Variants in SLC25A20 observed in about 807,000 individuals in gnomAD.
SLC25A20 encodes solute carrier family 25 member 20, also known as mitochondrial carnitine/acylcarnitine carrier protein.
In SLC25A20, 29 loss-of-function variants were observed where a neutral mutation model predicts 39.7. That is an observed-to-expected ratio of 0.73 (90% CI 0.54 to 1.00). The LOEUF is 1.00. Among genes scored for constraint, SLC25A20 ranks in the 50% least tolerant of loss-of-function variants. The pLI, the probability that SLC25A20 is intolerant of heterozygous loss-of-function variation, is 0.00. For missense variants in SLC25A20, 333 were observed against 379.9 expected, an observed-to-expected ratio of 0.88 and a Z score of 1.03; for synonymous variants, 103 against 142.2, an observed-to-expected ratio of 0.72 and a Z score of 1.96.
At chr3:48,889,876 G>T (rs2083860492) in intron 2 of SLC25A20, among the ~76,000 whole-genome samples, 1 of 152,130 alleles carries the variant, frequency 6.6e-6, no homozygotes, top group Non-Finnish European at 1.5e-5. Context: ...GGCAGGTATA[G>T]GGTCCGGTGC....
chr3:48,898,141 G>T (rs1224245830), intron 1 of SLC25A20, among the ~76,000 whole-genome samples: 1 of 152,194 alleles, frequency 6.6e-6, no homozygotes, highest in Admixed American at 6.6e-5. Context: ...TTCTCACAGG[G>T]ATGCCTCTGC....
intron 4 of SLC25A20, among the ~76,000 whole-genome samples, chr3:48,868,219 A>G (rs1263172811): frequency 6.6e-6 from 1 of 151,880 alleles, no homozygotes; most frequent in Non-Finnish European, 1.5e-5. Flanking sequence ...GGTTGAGAAG[A>G]GGAGAGGTAC....
rs145611429 is a variant in SLC25A20, at chr3:48,872,863, A to T, written c.417+6495T>A. Reference sequence around the variant, plus strand: ...GGGCAATAGAGTAACACCTTGTCTCAAAAACAAAAACAAATTGACTCAAAT... The same window carrying T: ...GGGCAATAGAGTAACACCTTGTCTCTAAAACAAAAACAAATTGACTCAAAT... On this transcript the variant is annotated intron_variant, in intron 4 of 8. Coordinates refer to ENST00000319017, the MANE Select transcript of SLC25A20 (RefSeq NM_000387.6). 3.5e-3 allele frequency among the ~76,000 whole-genome samples: 534 copies of T among 152,110 alleles called. 5 individuals are homozygous for T. The highest frequency in any genetic ancestry group is 0.012 in the African/African-American group (503 of 41,488).
intron 8 of SLC25A20, among the ~76,000 whole-genome samples, chr3:48,858,223 C>T (rs1322509537): frequency 6.6e-6 from 1 of 152,064 alleles, no homozygotes; most frequent in Non-Finnish European, 1.5e-5. Flanking sequence ...CTGCCTTAGC[C>T]TCCCAAAGTG....
intron 3 of SLC25A20, 71 bp downstream of exon 3, chr3:48,883,926 A>T (rs1250007270): frequency 1.3e-6 from 2 of 1,590,212 alleles, no homozygotes; most frequent in Non-Finnish European, 1.7e-6. Context: ...GCCCTGCCCA[A>T]GTTTCTTTAT....
At chr3:48,897,955 G>A (rs2083921793) in intron 1 of SLC25A20, among the ~76,000 whole-genome samples, 1 of 152,216 alleles carries the variant, frequency 6.6e-6, no homozygotes, top group South Asian at 2.1e-4. Flanking sequence ...AAGGGGAATA[G>A]TTGAGATATG....
At chr3:48,882,550 A>C (rs1481595584) in intron 3 of SLC25A20, among the ~76,000 whole-genome samples, 1 of 152,126 alleles carries the variant, frequency 6.6e-6, no homozygotes, top group Non-Finnish European at 1.5e-5. Context: ...AATTGATACT[A>C]CCTTATAAAA....
chr3:48,863,895 A>G (rs191763289), intron 4 of SLC25A20, among the ~76,000 whole-genome samples: 1 of 151,968 alleles, frequency 6.6e-6, no homozygotes, highest in Non-Finnish European at 1.5e-5. Context: ...CATGCCTGTA[A>G]TCTCAGCTAC....
intron 2 of SLC25A20, among the ~76,000 whole-genome samples, 182 bp downstream of exon 2, chr3:48,891,798 G>C (rs955873660): frequency 2.6e-5 from 4 of 152,152 alleles, no homozygotes; most frequent in Admixed American, 2.0e-4. Context: ...ACAGTAGCTA[G>C]AACTATCAGA....
intron 4 of SLC25A20, among the ~76,000 whole-genome samples, chr3:48,875,074 A>AG (rs998929785): frequency 5.3e-5 from 8 of 150,254 alleles, no homozygotes; most frequent in Admixed American, 2.0e-4. Context: ...AAAAAAAAAA[A>AG]AAAAAAATTA....
At chr3:48,859,509 G>T in intron 6 of SLC25A20, 46 bp downstream of exon 6, 1 of 1,470,744 alleles carries the variant, frequency 6.8e-7, no homozygotes, top group Non-Finnish European at 9.5e-7. Flanking sequence ...AGAGGGCAAC[G>T]CACCCATGAC....
chr3:48,870,590 C>T (rs1464387518), intron 4 of SLC25A20, among the ~76,000 whole-genome samples: 3 of 133,086 alleles, frequency 2.3e-5, no homozygotes, highest in Non-Finnish European at 4.7e-5. Context: ...GACAGTATCT[C>T]GACTTTGTCA....
intron 3 of SLC25A20, among the ~76,000 whole-genome samples, chr3:48,880,796 G>A (rs1379851581): frequency 4.0e-5 from 6 of 151,510 alleles, no homozygotes; most frequent in African/African-American, 1.5e-4. Flanking sequence ...TCAAACTCCT[G>A]GGCTCAAGTG....
chr3:48,876,037 A>T (rs1477295409), intron 4 of SLC25A20, among the ~76,000 whole-genome samples: 1 of 151,830 alleles, frequency 6.6e-6, no homozygotes, highest in Non-Finnish European at 1.5e-5. Flanking sequence ...AGAAATAAAT[A>T]AAAAAAATTT....
chr3:48,864,493 C>T (rs2083651295), intron 4 of SLC25A20, among the ~76,000 whole-genome samples: 1 of 147,576 alleles, frequency 6.8e-6, no homozygotes, highest in Non-Finnish European at 1.5e-5. Context: ...GAAAAGTTTT[C>T]AATAAGAAAG....
At chr3:48,862,466 C>T in intron 5 of SLC25A20, 76 bp downstream of exon 5, 1 of 892,892 alleles carries the variant, frequency 1.1e-6, no homozygotes, top group Non-Finnish European at 1.9e-6. Flanking sequence ...TCTGGCAATC[C>T]AGGCAAGACC....
intron 1 of SLC25A20, among the ~76,000 whole-genome samples, chr3:48,898,410 C>G (rs1452608592): frequency 6.6e-6 from 1 of 152,222 alleles, no homozygotes; most frequent in African/African-American, 2.4e-5. Context: ...CTTCCCATCC[C>G]TAAAGAAGTG....
chr3:48,859,716 G>T, intron 5 of SLC25A20, 89 bp from the exon 6 acceptor site: 1 of 1,045,874 alleles, frequency 9.6e-7, no homozygotes, highest in Non-Finnish European at 1.5e-6. Flanking sequence ...CAATTTAGGA[G>T]ATTGAGGCAG....
At position 48,883,618 on chromosome 3, in the gene SLC25A20, C is replaced by CTT. The variant is rs761695690; in HGVS notation, c.326+377_326+378dup. ...GGGCCCAGGAAGACCCACCAAGGTC[C>CTT]TTTTTTTTTTTTTTTTTTTTGAGAT... On this transcript the variant is annotated intron_variant, in intron 3 of 8. Transcript: ENST00000319017. 8.9e-3 allele frequency among the ~76,000 whole-genome samples: 869 copies of CTT among 97,338 alleles called. 22 individuals carry two copies. Among genetic ancestry groups the CTT allele is most frequent in the East Asian group, 0.019 (53 of 2,800 alleles). The allele number at this position is 97,338 out of a possible 152,430, so 63.9% of individuals were successfully genotyped here.
Sources: allele counts gnomAD v4.1 joint callset (sites outside exome capture counted in the v4.1 genomes callset), GRCh38; gene constraint gnomAD v4.1.1; transcripts MANE v1.5; gene names NCBI Gene and HGNC (gene_info 2026-07-23, HGNC 2026-07-21).